TATDN2: variants seen among roughly 807,000 people sequenced by gnomAD.
TATDN2 encodes the protein TatD DNase domain containing 2.
Under a neutral mutation model 60.3 loss-of-function variants are expected in TATDN2, and 44 were observed. The observed-to-expected ratio is 0.73, with a 90% CI of 0.57 to 0.94. The LOEUF (loss-of-function observed/expected upper bound fraction) is 0.94, where lower values mean the gene tolerates loss of function less well. TATDN2 is among the 40% of genes least tolerant of loss of function. TATDN2 has a pLI of 0.00. For synonymous variants in TATDN2, 399 were observed against 355.8 expected, an observed-to-expected ratio of 1.12 and a Z score of -1.37; for missense variants, 997 against 948.0, an observed-to-expected ratio of 1.05 and a Z score of -0.68.
At chr3:10,273,931 C>G (rs924718010) in intron 4 of TATDN2, among the ~76,000 whole-genome samples, 2 of 152,128 alleles carry the variant, frequency 1.3e-5, no homozygotes, top group African/African-American at 4.8e-5. Flanking sequence ...CTTCCCTACC[C>G]AGGCTGTATC....
Position 10,265,247 on chromosome 3 carries a change from T to G in TATDN2, c.948+4577T>G, listed in dbSNP as rs2544001. On this transcript the variant is annotated intron_variant, in intron 3 of 7. Transcript: ENST00000448281. ...ATGGACCACCATGCCTGGCTAATTT[T>G]TGTATGTTTAGCAGAGACAGGATTT... is the stretch of plus-strand genomic sequence containing the variant. Among the ~76,000 whole-genome samples the G allele has an allele frequency of 8.3e-3, 1,240 of 150,180 alleles. 10 individuals carry two copies. Among genetic ancestry groups the G allele is most frequent in the South Asian group, 0.03 (143 of 4,758 alleles).
chr3:10,269,997 A>C, intron 3 of TATDN2, 134 bp from the exon 4 acceptor site: 2 of 1,120,138 alleles, frequency 1.8e-6, no homozygotes, highest in Non-Finnish European at 2.5e-6. Flanking sequence ...TGACAGGGTG[A>C]GCTAATGAGC....
chr3:10,260,080 T>C, intron 2 of TATDN2, 57 bp from the exon 3 acceptor site: 2 of 1,543,106 alleles, frequency 1.3e-6, no homozygotes, highest in Non-Finnish European at 1.7e-6. Flanking sequence ...TGCCAAATGC[T>C]TCATGTACGA....
Position 10,270,414 on chromosome 3 carries a change from G to A in TATDN2, c.1232G>A (p.Ser411Asn), listed in dbSNP as rs1214294365. The A allele has an allele frequency of 2.5e-6, 4 of 1,614,176 alleles. No individual in the cohort carries two copies. The highest frequency in any genetic ancestry group is 2.2e-5 in the South Asian group (2 of 91,082). ...AACGATGCAGCCCAGGTTGGGAAGA[G>A]CAGCCGGAGCCGCATGAGTGATTAT... ...SSNDAAQVGK[S>N]SRSRMSDYSP... Residue 411 changes from serine to asparagine, a missense_variant, in exon 4 of 8, where the codon AGC (serine) becomes AAC (asparagine). Physicochemically the swap from Ser to Asn is conservative, Grantham distance 46. Coordinates refer to ENST00000448281, the MANE Select transcript of TATDN2 (RefSeq NM_014760.4).
At position 10,277,684 on chromosome 3, in the gene TATDN2, G is replaced by A. The variant is rs118145005; in HGVS notation, c.1962-595G>A. The stretch of plus-strand genomic sequence containing the variant: ...GTCAGTTGGCTTTTCTGGGTCGGTT[G>A]GTTTTTCATTACTTCATTTTGGGCT... On this transcript the variant is annotated intron_variant, in intron 5 of 7. Coordinates refer to ENST00000448281, the MANE Select transcript of TATDN2 (RefSeq NM_014760.4). 2.2e-3 allele frequency among the ~76,000 whole-genome samples: 341 copies of A among 152,228 alleles called. 8 individuals carry two copies. The South Asian group carries it at 0.043, about 19-fold the overall frequency.
At chr3:10,276,554 A>G in intron 5 of TATDN2, 66 bp downstream of exon 5, 1 of 1,592,234 alleles carries the variant, frequency 6.3e-7, no homozygotes, top group Non-Finnish European at 8.5e-7. Flanking sequence ...TGATGAGGAC[A>G]GCAATGATCG....
intron 3 of TATDN2, among the ~76,000 whole-genome samples, chr3:10,264,951 C>T (rs1206130188): frequency 4.0e-5 from 6 of 149,906 alleles, no homozygotes; most frequent in Admixed American, 6.6e-5. Flanking sequence ...GCTGGGATTA[C>T]AGGCGTGAGC....
In TATDN2 at chr3:10,249,631, C is replaced by A; in HGVS notation, c.414+17C>A. On this transcript the variant is annotated intron_variant, in intron 2 of 7. Transcript: ENST00000448281. ...AGCCTTAAGGTAGGTGGCTGCCACGCTTTGCAATCGGTGAAGCCCCTTCCA... is the reference window on the plus strand; with the variant it reads ...AGCCTTAAGGTAGGTGGCTGCCACGATTTGCAATCGGTGAAGCCCCTTCCA... 1 of 1,501,518 alleles carries A rather than the reference C, an allele frequency of 6.7e-7. No individual in the cohort carries two copies. Among genetic ancestry groups the A allele is most frequent in the Non-Finnish European group, 8.9e-7 (1 of 1,125,712 alleles). The allele number at this position is 1,501,518 out of a possible 1,614,324, so 93.0% of individuals were successfully genotyped here. A position where few individuals can be genotyped will look rare whatever the true frequency, so the allele number is the denominator to read the frequency against.
rs1698689145 is a variant in TATDN2, at chr3:10,279,259, G to A, written c.*77G>A. The A allele has an allele frequency of 1.9e-6, 1 of 513,308 alleles. No homozygotes were observed. Among genetic ancestry groups the A allele is most frequent in the East Asian group, 3.8e-5 (1 of 26,216 alleles). The allele number at this position is 513,308 out of a possible 1,614,324, so 31.8% of individuals were successfully genotyped here. The stretch of plus-strand genomic sequence containing the variant: ...CTGACAGAACACAGGCTGGCTTGAA[G>A]TCTGTGTCTCAGGTCGAGGATGTGT... On this transcript the variant is annotated 3_prime_UTR_variant, in exon 8 of 8. Coordinates refer to ENST00000448281, the MANE Select transcript of TATDN2 (RefSeq NM_014760.4).
At chr3:10,273,469 A>G (rs1024438685) in intron 4 of TATDN2, among the ~76,000 whole-genome samples, 1 of 152,086 alleles carries the variant, frequency 6.6e-6, no homozygotes, top group Non-Finnish European at 1.5e-5. Flanking sequence ...AGAAGAACCT[A>G]TAGAGGGCTG....
In TATDN2 at chr3:10,279,008, C is replaced by G. The variant is rs761917837; in HGVS notation, c.2269C>G (p.Arg757Gly). The change falls in exon 7 of 8, where the codon CGC becomes GGC. Residue 757 changes from arginine to glycine, a missense_variant. Physicochemically the swap from Arg to Gly is moderately radical, Grantham distance 125. Coordinates refer to ENST00000448281, the MANE Select transcript of TATDN2 (RefSeq NM_014760.4). ...TLAALRENTSRLYSL is the reference protein window; with the variant it reads ...TLAALRENTSGLYSL The stretch of plus-strand genomic sequence containing the variant: ...GGCTGCCTTGCGTGAGAACACCAGT[C>G]GCCTCTACAGTCTTTAAGCAGAGAA... 1.2e-5 allele frequency: 20 copies of G among 1,614,226 alleles called. No individual in the cohort carries two copies. The highest frequency in any genetic ancestry group is 1.5e-5 in the Non-Finnish European group (18 of 1,180,044).
intron 3 of TATDN2, among the ~76,000 whole-genome samples, chr3:10,266,642 A>G (rs1642974): frequency 0.36 from 54,806 of 152,100 alleles, 10,416 homozygotes; most frequent in East Asian, 0.7. Flanking sequence ...CAGCTTTTCA[A>G]CTCTGCATGA....
chr3:10,249,771 T>C (rs1024795781), intron 2 of TATDN2, among the ~76,000 whole-genome samples, 157 bp downstream of exon 2: 2 of 152,212 alleles, frequency 1.3e-5, no homozygotes, highest in African/African-American at 4.8e-5. Flanking sequence ...CTCGAAGACC[T>C]AGCAGTCTTC....
At position 10,249,282 on chromosome 3, in the gene TATDN2, G is replaced by A; in HGVS notation, c.82G>A (p.Glu28Lys). ...TCCCCGCAAGCGCAGCTGCCTCCGG[G>A]AGCCCTGTGATGTGGCCCCCTCCAG... is the stretch of plus-strand genomic sequence containing the variant. Reference protein sequence around the residue: ...GCPRKRSCLREPCDVAPSSRP... With the variant: ...GCPRKRSCLRKPCDVAPSSRP... The change falls in exon 2 of 8, where the codon GAG (glutamate) becomes AAG (lysine). Residue 28 changes from glutamate (E) to lysine (K), a missense_variant. Transcript: ENST00000448281. The A allele has an allele frequency of 6.3e-7, 1 of 1,595,204 alleles. No individual in the cohort carries two copies. The highest frequency in any genetic ancestry group is 2.3e-5 in the East Asian group (1 of 44,428).
At chr3:10,273,142 G>A (rs542358138) in intron 4 of TATDN2, among the ~76,000 whole-genome samples, 4 of 152,326 alleles carry the variant, frequency 2.6e-5, no homozygotes, top group African/African-American at 9.6e-5. Context: ...TCTTGAAGAT[G>A]TCATTTGGCT....
rs1211161244 is a variant in TATDN2, at chr3:10,248,760, C to T, written c.-314C>T. ...CCTGGCCTACGGGCTAAGCGCCCGG[C>T]CCCGGGGCCGCGGATCCGGCAGCCA... On this transcript the variant is annotated 5_prime_UTR_variant, in exon 1 of 8. Transcript: ENST00000448281. 2.6e-5 allele frequency: 4 copies of T among 152,968 alleles called. No homozygotes were observed. The Admixed American group carries it at 2.6e-4, about 10-fold the overall frequency. The allele number at this position is 152,968 out of a possible 1,614,324, so 9.5% of individuals were successfully genotyped here.
chr3:10,265,906 C>T (rs372164751), intron 3 of TATDN2, among the ~76,000 whole-genome samples: 12 of 152,096 alleles, frequency 7.9e-5, no homozygotes, highest in Admixed American at 4.6e-4. Flanking sequence ...TTTTCATCTG[C>T]GGCTTCACCC....
chr3:10,254,511 A>T (rs1162044112), intron 2 of TATDN2, among the ~76,000 whole-genome samples: 1 of 152,206 alleles, frequency 6.6e-6, no homozygotes, highest in Non-Finnish European at 1.5e-5. Flanking sequence ...GAGGCTAGAC[A>T]GGAAGGCTGG....
At chr3:10,274,288 C>T (rs1698604770) in intron 4 of TATDN2, among the ~76,000 whole-genome samples, 1 of 152,116 alleles carries the variant, frequency 6.6e-6, no homozygotes. Flanking sequence ...TGTTATTGTT[C>T]CTTGGAAAAT....
Sources: gnomAD v4.1 joint callset for allele counts (sites outside exome capture counted in the v4.1 genomes callset) on GRCh38, gnomAD v4.1.1 for gene constraint, MANE v1.5 for transcripts, NCBI Gene and HGNC (gene_info 2026-07-23, HGNC 2026-07-21) for gene names.